PCDHA4: variants seen among roughly 807,000 people sequenced by gnomAD.
PCDHA4 encodes the protein protocadherin alpha 4, also known as protocadherin alpha-4.
A neutral mutation model predicts 61.4 loss-of-function variants in PCDHA4; 49 were observed. The observed-to-expected ratio is 0.80, with a 90% confidence interval of 0.63 to 1.01. The LOEUF (loss-of-function observed/expected upper bound fraction) is 1.01, where lower values mean the gene tolerates loss of function less well. Among genes scored for constraint, PCDHA4 ranks in the 50% least tolerant of loss-of-function variants. The probability of loss-of-function intolerance (pLI) is 0.00; values close to 1 mark genes in which losing one functional copy is unlikely to be tolerated. For missense variants in PCDHA4, 1,254 were observed against 1,235.8 expected (o/e 1.01, Z -0.22); for synonymous variants, 590 against 550.3 (o/e 1.07, Z -1.01).
At chr5:140,831,638 T>C (rs2150196472) in intron 1 of PCDHA4, among the ~76,000 whole-genome samples, 19 of 151,546 alleles carry the variant, frequency 1.3e-4, no homozygotes, top group African/African-American at 4.6e-4. Flanking sequence ...ACTAAGATTA[T>C]AGGTGTGAGC....
chr5:140,912,378 T>C (rs1554195314), intron 1 of PCDHA4, among the ~76,000 whole-genome samples: 1 of 152,002 alleles, frequency 6.6e-6, no homozygotes, highest in African/African-American at 2.4e-5. Context: ...GTAAAAGGGA[T>C]TGAGTTCTTA....
chr5:140,850,815 C>A (rs2041835353), intron 1 of PCDHA4: 1 of 1,598,236 alleles, frequency 6.3e-7, no homozygotes, highest in East Asian at 2.2e-5. Flanking sequence ...GGCCTTCAGC[C>A]CGGGCCTTTC....
At chr5:140,839,065 GC>G (rs1320146572) in intron 1 of PCDHA4, among the ~76,000 whole-genome samples, 1 of 152,054 alleles carries the variant, frequency 6.6e-6, no homozygotes, top group African/African-American at 2.4e-5. Context: ...ATAGAGGTAT[GC>G]AAAGTCAAAA....
Position 140,838,737 on chromosome 5 carries a change from A to G in PCDHA4, c.2385+29165A>G, listed in dbSNP as rs2150292002. The stretch of plus-strand genomic sequence containing the variant: ...GATTGCTTCAGTCTAGTAGTTTGAG[A>G]CCAGCTTGTGCATCTTTTGTAGAGA... On this transcript the variant is annotated intron_variant, in intron 1 of 3. Coordinates refer to ENST00000530339, the MANE Select transcript of PCDHA4 (RefSeq NM_018907.4). Among the ~76,000 whole-genome samples, 22 of 152,120 alleles carry G rather than the reference A, an allele frequency of 1.4e-4. 1 individual carries two copies. Among genetic ancestry groups the G allele is most frequent in the African/African-American group, 5.3e-4 (22 of 41,484 alleles).
chr5:140,824,958 T>C (rs2150072041), intron 1 of PCDHA4: 1 of 152,280 alleles, frequency 6.6e-6, no homozygotes, highest in African/African-American at 2.4e-5. Context: ...AATTATATTT[T>C]TCATTTTATT....
At chr5:140,843,679 C>T (rs2150364894) in intron 1 of PCDHA4, 1 of 1,589,886 alleles carries the variant, frequency 6.3e-7, no homozygotes, top group Non-Finnish European at 8.6e-7. Flanking sequence ...TTGATGTAGG[C>T]GAAGAGCAAG....
At chr5:140,857,626 G>T in intron 1 of PCDHA4, 1 of 1,596,672 alleles carries the variant, frequency 6.3e-7, no homozygotes, top group Non-Finnish European at 8.6e-7. Flanking sequence ...ACCACGAGGA[G>T]CTGGAGCTGC....
chr5:140,857,951 G>A (rs569786768), intron 1 of PCDHA4: 8 of 1,597,390 alleles, frequency 5.0e-6, no homozygotes, highest in East Asian at 4.5e-5. Flanking sequence ...TACGACGCGC[G>A]CTCTGGATGA....
intron 1 of PCDHA4, among the ~76,000 whole-genome samples, chr5:140,947,608 A>G (rs1381677530): frequency 3.3e-5 from 5 of 151,684 alleles, no homozygotes; most frequent in Non-Finnish European, 7.4e-5. Flanking sequence ...AAGATTTGGT[A>G]TCTTAACAAT....
intron 1 of PCDHA4, among the ~76,000 whole-genome samples, chr5:140,826,648 C>T (rs1181948430): frequency 1.3e-5 from 2 of 152,006 alleles, no homozygotes; most frequent in Non-Finnish European, 1.5e-5. Context: ...ATGAAGGTAA[C>T]ATTTTTGCAA....
chr5:140,821,620 C>T, intron 1 of PCDHA4: 1 of 875,014 alleles, frequency 1.1e-6, no homozygotes. Flanking sequence ...AGTAGATTTT[C>T]CTTAGACAGA....
At chr5:140,955,190 A>G (rs1269758289) in intron 1 of PCDHA4, among the ~76,000 whole-genome samples, 2 of 152,050 alleles carry the variant, frequency 1.3e-5, no homozygotes, top group Admixed American at 6.6e-5. Flanking sequence ...TGTGGTGTAT[A>G]TGAAGTCAAT....
At chr5:140,955,241 A>T (rs1554221829) in intron 1 of PCDHA4, among the ~76,000 whole-genome samples, 1 of 152,114 alleles carries the variant, frequency 6.6e-6, no homozygotes, top group East Asian at 1.9e-4. Context: ...TTTGCTTAGG[A>T]TCGGCTTGGC....
intron 1 of PCDHA4, chr5:140,927,559 G>C: frequency 6.2e-7 from 1 of 1,614,170 alleles, no homozygotes; most frequent in Non-Finnish European, 8.5e-7. Flanking sequence ...CACCATCATT[G>C]TGGTGGACAC....
At chr5:140,965,371 T>C (rs1195667342) in intron 1 of PCDHA4, among the ~76,000 whole-genome samples, 9 of 152,124 alleles carry the variant, frequency 5.9e-5, no homozygotes, top group African/African-American at 1.2e-4. Flanking sequence ...AAGAGGAAAC[T>C]TGGGGACACA....
intron 3 of PCDHA4, among the ~76,000 whole-genome samples, chr5:140,995,639 A>G (rs1410943855): frequency 6.6e-6 from 1 of 152,190 alleles, no homozygotes; most frequent in Non-Finnish European, 1.5e-5. Context: ...TGGAGTGTTT[A>G]GAAAAGGAGA....
At chr5:140,869,561 C>T (rs781968482) in intron 1 of PCDHA4, 28 of 1,614,032 alleles carry the variant, frequency 1.7e-5, no homozygotes, top group Middle Eastern at 1.6e-4. Context: ...TCGCGTTTTC[C>T]ACTAGAGGGA....
At chr5:140,916,508 T>G (rs2077594251) in intron 1 of PCDHA4, among the ~76,000 whole-genome samples, 1 of 152,200 alleles carries the variant, frequency 6.6e-6, no homozygotes, top group Non-Finnish European at 1.5e-5. Context: ...GTGATTAATC[T>G]TGCCAAGACT....
chr5:140,856,497 G>T (rs782069130), intron 1 of PCDHA4: 1 of 1,598,346 alleles, frequency 6.3e-7, no homozygotes. Flanking sequence ...CTTGACTCTC[G>T]ATTTCCACTA....
Sources: allele counts gnomAD v4.1 joint callset (sites outside exome capture counted in the v4.1 genomes callset), GRCh38; gene constraint gnomAD v4.1.1; transcripts MANE v1.5; gene names NCBI Gene and HGNC (gene_info 2026-07-23, HGNC 2026-07-21).